The following SGSM2 variants were observed in gnomAD, a reference collection of about 807,000 sequenced individuals.
The protein encoded by SGSM2 is small G protein signaling modulator 2, also known as RUN and TBC1 domain containing 1.
Under a neutral mutation model 126.6 loss-of-function variants are expected in SGSM2, and 89 were observed. That is an observed-to-expected ratio of 0.70 (90% CI 0.59 to 0.84). The LOEUF (loss-of-function observed/expected upper bound fraction) is 0.84, where lower values mean the gene tolerates loss of function less well. SGSM2 is among the 40% of genes least tolerant of loss of function. The probability of loss-of-function intolerance (pLI) is 0.00; values close to 1 mark genes in which losing one functional copy is unlikely to be tolerated. For synonymous variants in SGSM2, 614 were observed against 574.3 expected (o/e 1.07, Z -0.99); for missense variants, 1,404 against 1,416.6 (o/e 0.99, Z 0.14).
At position 2,363,882 on chromosome 17, in the gene SGSM2, G is replaced by A; in HGVS notation, c.808-177G>A. On this transcript the variant is annotated intron_variant, in intron 7 of 23. Transcript: ENST00000268989. This position sits in a 1 kb window ranked among gnomAD's most constrained non-coding sequence, Gnocchi z 4.2. ...TGGCAGGAGAGAGTCAGTGGCACCA[G>A]GCTGACCAGGGAAACTGAGTCCTGT... 2.4e-6 allele frequency: 2 copies of A among 823,704 alleles called. No individual in the cohort carries two copies. Among genetic ancestry groups the A allele is most frequent in the East Asian group, 2.7e-5 (1 of 37,390 alleles). 51.0% of individuals were successfully genotyped at this position (823,704 alleles called of 1,614,324 possible).
At chr17:2,378,885 T>C (rs2151647507) in intron 22 of SGSM2, 151 bp from the exon 23 acceptor site, 2 of 899,410 alleles carry the variant, frequency 2.2e-6, no homozygotes, top group Admixed American at 2.6e-5. Context: ...TTTAGAGGCC[T>C]GTGAGCAGCC....
Position 2,372,305 on chromosome 17 carries a change from G to T in SGSM2, c.1643-38G>T. The T allele has an allele frequency of 6.2e-7, 1 of 1,609,916 alleles. No homozygotes were observed. Among genetic ancestry groups the T allele is most frequent in the Non-Finnish European group, 8.5e-7 (1 of 1,178,210 alleles). Reference sequence around the variant, plus strand: ...GGCGGGCTGGGGGCGGGCGGCCCTGGGTCCCAGCCTCCTGCTGCCCACCGC... The same window carrying T: ...GGCGGGCTGGGGGCGGGCGGCCCTGTGTCCCAGCCTCCTGCTGCCCACCGC... On this transcript the variant is annotated intron_variant, in intron 14 of 23. Coordinates refer to ENST00000268989, the MANE Select transcript of SGSM2 (RefSeq NM_014853.3). This position sits in a 1 kb window ranked among gnomAD's most constrained non-coding sequence, Gnocchi z 6.0.
In SGSM2 at chr17:2,363,972, C is replaced by A; in HGVS notation, c.808-87C>A. 2.6e-6 allele frequency: 4 copies of A among 1,561,518 alleles called. No individual in the cohort carries two copies. The highest frequency in any genetic ancestry group is 3.5e-6 in the Non-Finnish European group (4 of 1,136,706). On this transcript the variant is annotated intron_variant, in intron 7 of 23. Coordinates refer to ENST00000268989, the MANE Select transcript of SGSM2 (RefSeq NM_014853.3). This position sits in a 1 kb window ranked among gnomAD's most constrained non-coding sequence, Gnocchi z 4.2. Reference sequence around the variant, plus strand: ...TGACTAGCCTAGCTTGGCCTCCCCTCCTCCCAGCGGGAGCTCATTTCTCAT... The same window carrying A: ...TGACTAGCCTAGCTTGGCCTCCCCTACTCCCAGCGGGAGCTCATTTCTCAT...
chr17:2,372,889 G>C lies in SGSM2; in HGVS notation c.1789-64G>C. 1 of 1,533,852 alleles carries C rather than the reference G, an allele frequency of 6.5e-7. No individual in the cohort carries two copies. The highest frequency in any genetic ancestry group is 8.8e-7 in the Non-Finnish European group (1 of 1,137,184). On this transcript the variant is annotated intron_variant, in intron 15 of 23. Transcript: ENST00000268989. This position sits in a 1 kb window ranked among gnomAD's most constrained non-coding sequence, Gnocchi z 6.0. ...CCCAGCCCATTCTCCGTGGGATGGG[G>C]CTCACCCAGCTGGGCCACGGTGACT...
At chr17:2,342,743 C>G (rs2064429560) in intron 1 of SGSM2, among the ~76,000 whole-genome samples, 1 of 126,528 alleles carries the variant, frequency 7.9e-6, no homozygotes, top group African/African-American at 2.8e-5. Flanking sequence ...TTTGGGAGGC[C>G]GGGCGGGTGG....
chr17:2,361,667 T>C lies in SGSM2; in HGVS notation c.164T>C (p.Leu55Pro). ...GAVEACLLHQ[L>P]RRRAAGFLRS... Reference sequence around the variant, plus strand: ...GTGGAGGCTTGCCTCTTGCATCAGCTGAGACGCCGTGCCGCTGGCTTCCTG... The same window carrying C: ...GTGGAGGCTTGCCTCTTGCATCAGCCGAGACGCCGTGCCGCTGGCTTCCTG... Residue 55 changes from leucine to proline, a missense_variant, in exon 3 of 24, where the codon CTG (leucine) becomes CCG (proline). Transcript: ENST00000268989. 1 of 1,614,000 alleles carries C rather than the reference T, an allele frequency of 6.2e-7. No individual in the cohort carries two copies. The highest frequency in any genetic ancestry group is 8.5e-7 in the Non-Finnish European group (1 of 1,180,012).
intron 2 of SGSM2, among the ~76,000 whole-genome samples, chr17:2,353,834 T>G (rs1247912925): frequency 6.6e-6 from 1 of 152,190 alleles, no homozygotes; most frequent in Non-Finnish European, 1.5e-5. Context: ...TTCCTGTCTA[T>G]GTACGAGTCC....
chr17:2,373,535 G>A (rs749995776), intron 17 of SGSM2, 22 bp downstream of exon 17: 14 of 1,579,304 alleles, frequency 8.9e-6, no homozygotes, highest in East Asian at 6.8e-5. Flanking sequence ...GGGACCTGGA[G>A]GGTTGGGGGT....
Position 2,379,149 on chromosome 17 carries a change from G to GA in SGSM2, c.3014dup (p.Ile1006AspfsTer4). The GA allele has an allele frequency of 6.2e-7, 1 of 1,614,158 alleles. No homozygotes were observed. Among genetic ancestry groups the GA allele is most frequent in the Non-Finnish European group, 8.5e-7 (1 of 1,180,014 alleles). On this transcript the variant is annotated frameshift_variant, in exon 23 of 24. Coordinates refer to ENST00000268989, the MANE Select transcript of SGSM2 (RefSeq NM_014853.3). LOFTEE classifies it high-confidence loss of function. ...CCTCGCCCTGGTGGAGGCCTACCGA[G>GA]AGATCATCCGTGACAACAACATGGA...
Position 2,379,058 on chromosome 17 carries a change from T to C in SGSM2, c.2922T>C (p.Phe974=). The change falls in exon 23 of 24, where the codon TTT becomes TTC. Residue 974 remains phenylalanine, a synonymous_variant. Coordinates refer to ENST00000268989, the MANE Select transcript of SGSM2 (RefSeq NM_014853.3). ...CAGAACTGCTGTATGAGGATGTGTT[T>C]GCTGTGTGGGAGGTGATCTGGGCAG... is the stretch of plus-strand genomic sequence containing the variant. The part of the protein sequence containing the change: ...FKRELLYEDV[F]AVWEVIWAAR... The C allele has an allele frequency of 6.2e-7, 1 of 1,614,186 alleles. No individual in the cohort carries two copies. Among genetic ancestry groups the C allele is most frequent in the Non-Finnish European group, 8.5e-7 (1 of 1,180,010 alleles).
chr17:2,353,997 G>T (rs56187034), intron 2 of SGSM2, among the ~76,000 whole-genome samples: 66,453 of 151,446 alleles, frequency 0.44, 14,854 homozygotes, highest in East Asian at 0.63. Flanking sequence ...CAACCTCCTG[G>T]GCTGGGCTCA....
intron 1 of SGSM2, among the ~76,000 whole-genome samples, chr17:2,339,815 A>G (rs1375794914): frequency 6.6e-6 from 1 of 152,070 alleles, no homozygotes; most frequent in African/African-American, 2.4e-5. Flanking sequence ...CCCTTGGTAA[A>G]GATGTAGTTG....
intron 1 of SGSM2, among the ~76,000 whole-genome samples, chr17:2,338,163 C>T (rs976746968): frequency 6.6e-6 from 1 of 152,088 alleles, no homozygotes; most frequent in Non-Finnish European, 1.5e-5. Context: ...TCCCCACGTC[C>T]TAAGTGGGTG....
At position 2,375,581 on chromosome 17, in the gene SGSM2, G is replaced by C. The variant is rs2066095759; in HGVS notation, c.2190G>C (p.Gly730=). ...RPKPEQEAGP[G]TPGTAVVEQQ... ...AACCTGAGCAGGAAGCAGGACCCGGGACTCCGGGCACCGCCGTGGTGGAGC... is the reference window on the plus strand; with the variant it reads ...AACCTGAGCAGGAAGCAGGACCCGGCACTCCGGGCACCGCCGTGGTGGAGC... Residue 730 remains glycine (G), a synonymous_variant, in exon 18 of 24, where the codon GGG becomes GGC. Transcript: ENST00000268989. The C allele has an allele frequency of 8.1e-6, 13 of 1,613,964 alleles. No homozygotes were observed. Among genetic ancestry groups the C allele is most frequent in the Non-Finnish European group, 1.1e-5 (13 of 1,180,014 alleles).
rs138876371 is a variant in SGSM2 at position 2,362,122 on chromosome 17, G to A, written c.310G>A (p.Val104Ile). The part of the protein sequence containing the change: ...QQAEGRKPSG[V>I]SQEALRRQGS... The stretch of plus-strand genomic sequence containing the variant: ...CCGCCTTTGCAGGAAACCCTCAGGG[G>A]TCAGCCAGGAGGCCCTGCGGAGACA... Residue 104 changes from valine to isoleucine, a missense_variant, in exon 4 of 24, where the codon GTC becomes ATC. Coordinates refer to ENST00000268989, the MANE Select transcript of SGSM2 (RefSeq NM_014853.3). This position sits in a 1 kb window ranked among gnomAD's most constrained non-coding sequence, Gnocchi z 4.9. 1.5e-5 allele frequency: 24 copies of A among 1,612,582 alleles called. No individual in the cohort carries two copies. The African/African-American group carries it at 2.7e-4, about 18-fold the overall frequency.
chr17:2,371,278 C>T lies in SGSM2; in HGVS notation c.1440C>T (p.Ile480=), dbSNP rs776267518. The part of the protein sequence containing the change: ...PNPMKDAGDM[I]EMQGFGPSLP... ...TGCCCGCAGACGCTGGTGACATGAT[C>T]GAGATGCAGGGCTTTGGGCCCAGCC... Residue 480 remains isoleucine (I), a synonymous_variant, in exon 13 of 24, where the codon ATC becomes ATT. Transcript: ENST00000268989. The T allele has an allele frequency of 1.4e-5, 22 of 1,611,798 alleles. No individual in the cohort carries two copies. Among genetic ancestry groups the T allele is most frequent in the East Asian group, 8.9e-5 (4 of 44,856 alleles).
intron 2 of SGSM2, among the ~76,000 whole-genome samples, chr17:2,351,151 G>A (rs1045861299): frequency 1.3e-5 from 2 of 152,152 alleles, no homozygotes; most frequent in African/African-American, 4.8e-5. Flanking sequence ...TACTTGGGAG[G>A]CTGAGGCAGG....
chr17:2,349,838 A>C (rs2064772153), intron 2 of SGSM2, among the ~76,000 whole-genome samples: 2 of 146,934 alleles, frequency 1.4e-5, no homozygotes, highest in Admixed American at 6.9e-5. Context: ...CCCAGGCTGG[A>C]GTGCAATGGA....
At chr17:2,377,327 T>C (rs575914407) in intron 21 of SGSM2, 2 of 392,560 alleles carry the variant, frequency 5.1e-6, no homozygotes, top group South Asian at 3.2e-5. Context: ...CTACTAAAAA[T>C]ACAAAAATTA....
Sources: allele counts gnomAD v4.1 joint callset (sites outside exome capture counted in the v4.1 genomes callset), GRCh38; gene constraint gnomAD v4.1.1; non-coding constraint Gnocchi (gnomAD v3.1); transcripts MANE v1.5; gene names NCBI Gene and HGNC (gene_info 2026-07-23, HGNC 2026-07-21).